Variants in TCF3 observed in about 807,000 individuals in gnomAD.
The protein encoded by TCF3 is transcription factor E2-alpha.
A neutral mutation model predicts 72.3 loss-of-function variants in TCF3; 54 were observed. That is an observed-to-expected ratio of 0.75 (90% confidence interval 0.60 to 0.94). The LOEUF is 0.94. TCF3 is among the 40% of genes least tolerant of loss of function. The pLI is 0.00. For synonymous variants in TCF3, 525 were observed against 412.6 expected (o/e 1.27, Z -3.30); for missense variants, 1,078 against 934.4 (o/e 1.15, Z -2.00).
intron 7 of TCF3, among the ~76,000 whole-genome samples, 184 bp from the exon 8 acceptor site, chr19:1,624,184 T>C (rs2062603669): frequency 6.6e-6 from 1 of 151,798 alleles, no homozygotes; most frequent in Non-Finnish European, 1.5e-5. Flanking sequence ...GATCACGAGG[T>C]CAAGAGATCA....
Position 1,619,801 on chromosome 19 carries a change from G to C in TCF3, c.1146C>G (p.Tyr382Ter). 6.4e-7 allele frequency: 1 copy of C among 1,564,236 alleles called. No individual in the cohort carries two copies. The highest frequency in any genetic ancestry group is 8.7e-7 in the Non-Finnish European group (1 of 1,155,332). Reference protein sequence around the residue: ...AGAPGALSPSYDGGLHGLQSK... With the variant: ...AGAPGALSPS ...TCACCAGGCCGTGGAGACCCCCGTC[G>C]TAGCTGGGCGATAAGGCACCGGGGG... The change falls in exon 14 of 19, where the codon TAC becomes TAG. Residue 382 changes from tyrosine to a stop codon, truncating the protein, a stop_gained. Transcript: ENST00000262965. LOFTEE classifies it high-confidence loss of function.
intron 3 of TCF3, among the ~76,000 whole-genome samples, chr19:1,636,212 T>C (rs1391785252): frequency 6.6e-6 from 1 of 152,088 alleles, no homozygotes; most frequent in Non-Finnish European, 1.5e-5. Flanking sequence ...CAGGCTGGAG[T>C]GCAGTGGTGC....
At chr19:1,646,972 G>A (rs916566834) in intron 2 of TCF3, among the ~76,000 whole-genome samples, 2 of 152,204 alleles carry the variant, frequency 1.3e-5, no homozygotes, top group African/African-American at 2.4e-5. Context: ...AGGGCCCAGT[G>A]TCCCCCTACC....
At chr19:1,651,930 C>A (rs561129554) in intron 1 of TCF3, among the ~76,000 whole-genome samples, 1 of 151,188 alleles carries the variant, frequency 6.6e-6, no homozygotes, top group Non-Finnish European at 1.5e-5. Context: ...CCCCCTCTAC[C>A]CGAGAAAGGG....
chr19:1,627,601 C>T (rs1373189477), intron 5 of TCF3, among the ~76,000 whole-genome samples, 175 bp from the exon 6 acceptor site: 1 of 151,982 alleles, frequency 6.6e-6, no homozygotes, highest in Non-Finnish European at 1.5e-5. Flanking sequence ...GAGCCCTGGC[C>T]CCAGTATGCC....
Position 1,615,601 on chromosome 19 carries a change from A to T in TCF3, c.1587-81T>A. On this transcript the variant is annotated intron_variant, in intron 17 of 18. Coordinates refer to ENST00000262965, the MANE Select transcript of TCF3 (RefSeq NM_003200.5). This position sits in a 1 kb window ranked among gnomAD's most constrained non-coding sequence, Gnocchi z 7.3. ...GCGTGGGGCCCGCCGACGGCCTCCC[A>T]GTGTGGGTGCGGTGTGCGTGTGGCC... 1 of 1,504,534 alleles carries T rather than the reference A, an allele frequency of 6.6e-7. No homozygotes were observed. The highest frequency in any genetic ancestry group is 9.0e-7 in the Non-Finnish European group (1 of 1,114,426). The allele number at this position is 1,504,534 out of a possible 1,614,324, so 93.2% of individuals were successfully genotyped here. A position where few individuals can be genotyped will look rare whatever the true frequency, so the allele number is the denominator to read the frequency against.
intron 5 of TCF3, 21 bp downstream of exon 5, chr19:1,632,017 C>A (rs768630864): frequency 6.2e-7 from 1 of 1,610,056 alleles, no homozygotes; most frequent in African/African-American, 1.3e-5. Flanking sequence ...GCAGAGGGAC[C>A]GCACCAGGCC....
intron 2 of TCF3, among the ~76,000 whole-genome samples, 155 bp downstream of exon 2, chr19:1,650,022 G>A (rs1319159270): frequency 6.7e-6 from 1 of 148,920 alleles, no homozygotes; most frequent in Non-Finnish European, 1.5e-5. Context: ...CCTCCTGCCA[G>A]AGAGCGGCCC....
chr19:1,645,561 C>T (rs756252055), intron 3 of TCF3, among the ~76,000 whole-genome samples: 22 of 152,228 alleles, frequency 1.4e-4, no homozygotes, highest in Non-Finnish European at 2.8e-4. Context: ...CATGCTCCCA[C>T]GGCCCCTTCC....
chr19:1,649,471 G>A (rs544172710), intron 2 of TCF3, among the ~76,000 whole-genome samples: 2 of 152,232 alleles, frequency 1.3e-5, no homozygotes, highest in South Asian at 2.1e-4. Flanking sequence ...GTGCAGTGGC[G>A]CAATCACAGC....
chr19:1,634,416 G>C (rs572389238), intron 3 of TCF3, among the ~76,000 whole-genome samples: 1 of 152,256 alleles, frequency 6.6e-6, no homozygotes, highest in Non-Finnish European at 1.5e-5. Flanking sequence ...TGGCTGCCTC[G>C]GGAGAGGCCT....
At chr19:1,624,165 A>C (rs767515210) in intron 7 of TCF3, among the ~76,000 whole-genome samples, 165 bp from the exon 8 acceptor site, 2 of 152,194 alleles carry the variant, frequency 1.3e-5, no homozygotes, top group Non-Finnish European at 2.9e-5. Context: ...TGGGAGGCCA[A>C]GGCAGGCAGA....
intron 3 of TCF3, among the ~76,000 whole-genome samples, chr19:1,642,314 A>C (rs964329177): frequency 6.6e-6 from 1 of 151,624 alleles, no homozygotes; most frequent in African/African-American, 2.4e-5. Context: ...ACCCGCACGC[A>C]CACACAGACA....
Position 1,615,373 on chromosome 19 carries a change from C to T in TCF3, c.1734G>A (p.Leu578=). The T allele has an allele frequency of 6.2e-7, 1 of 1,614,062 alleles. No individual in the cohort carries two copies. The highest frequency in any genetic ancestry group is 8.5e-7 in the Non-Finnish European group (1 of 1,179,966). The change falls in exon 18 of 19, where the codon CTG becomes CTA. Residue 578 remains leucine (L), a synonymous_variant. Coordinates refer to ENST00000262965, the MANE Select transcript of TCF3 (RefSeq NM_003200.5). This position sits in a 1 kb window ranked among gnomAD's most constrained non-coding sequence, Gnocchi z 7.3. ...TCTGGGGCTTCTCGCTGTTGAGGTG[C>T]AGTTGGCACATGCGCCCCAGCTCCT... is the stretch of plus-strand genomic sequence containing the variant. The part of the protein sequence containing the change: ...AFKELGRMCQ[L]HLNSEKPQTK...
chr19:1,651,108 G>A (rs2066966145), intron 1 of TCF3: 1 of 232,278 alleles, frequency 4.3e-6, no homozygotes. Flanking sequence ...GTGGTCCCAG[G>A]GGGCTCCATT....
chr19:1,643,913 C>T (rs918073654), intron 3 of TCF3, among the ~76,000 whole-genome samples: 4 of 152,214 alleles, frequency 2.6e-5, no homozygotes, highest in Non-Finnish European at 4.4e-5. Flanking sequence ...GTGGAGAATG[C>T]GGCTGGGGTA....
chr19:1,629,158 G>A (rs2063374575), intron 5 of TCF3, among the ~76,000 whole-genome samples: 1 of 151,990 alleles, frequency 6.6e-6, no homozygotes, highest in Non-Finnish European at 1.5e-5. Context: ...GCTTCCTGCT[G>A]GCCAGGCCCC....
intron 2 of TCF3, 88 bp from the exon 3 acceptor site, chr19:1,646,515 C>T (rs2145630675): frequency 8.0e-7 from 1 of 1,248,236 alleles, no homozygotes; most frequent in Non-Finnish European, 1.1e-6. Context: ...GGGAGCAGAG[C>T]TGGGGACACC....
At position 1,611,699 on chromosome 19, in the gene TCF3, C is replaced by A; in HGVS notation, c.*8G>T. The stretch of plus-strand genomic sequence containing the variant: ...AAGCGGGTGGCTCGTCCCACGGAGG[C>A]ATACCTTTCACATGTGCCCGGCGGG... On this transcript the variant is annotated 3_prime_UTR_variant, in exon 19 of 19. Transcript: ENST00000262965. 6.2e-7 allele frequency: 1 copy of A among 1,611,378 alleles called. No individual in the cohort carries two copies. The highest frequency in any genetic ancestry group is 8.5e-7 in the Non-Finnish European group (1 of 1,178,574).
Sources: gnomAD v4.1 joint callset for allele counts (sites outside exome capture counted in the v4.1 genomes callset) on GRCh38, gnomAD v4.1.1 for gene constraint, Gnocchi (gnomAD v3.1) non-coding constraint, MANE v1.5 for transcripts, NCBI Gene and HGNC (gene_info 2026-07-23, HGNC 2026-07-21) for gene names.